Variants in CREBZF observed in about 807,000 individuals in gnomAD.
The protein encoded by CREBZF is HCF-binding transcription factor Zhangfei.
CREBZF carries 8 observed loss-of-function variants against 21.1 expected under a neutral mutation model. The ratio of observed to expected loss-of-function variants is 0.38; its 90% CI spans 0.22 to 0.68. The LOEUF is 0.68. CREBZF is among the 30% of genes least tolerant of loss of function. CREBZF has a pLI of 0.51. For synonymous variants in CREBZF, 270 were observed against 223.3 expected (o/e 1.21, Z -1.86); for missense variants, 518 against 484.3 (o/e 1.07, Z -0.65).
At position 85,659,619 on chromosome 11, in the gene CREBZF, CAAGT is replaced by C. The variant is rs1227472258; in HGVS notation, c.*4188_*4191del. 20 of 152,086 alleles carry C rather than the reference CAAGT, an allele frequency of 1.3e-4. No homozygotes were observed. The East Asian group carries it at 2.9e-3, about 22-fold the overall frequency. The allele number at this position is 152,086 out of a possible 1,614,324, so 9.4% of individuals were successfully genotyped here. A position where few individuals can be genotyped will look rare whatever the true frequency, so the allele number is the denominator to read the frequency against. ...CCCTCTTCTATCAGCTGCACATTTC[CAAGT>C]AAGTGAGATAAAATGACTCAATCTA... On this transcript the variant is annotated 3_prime_UTR_variant, in exon 1 of 1. Transcript: ENST00000527447.
intron 1 of CREBZF, among the ~76,000 whole-genome samples, chr11:85,673,866 G>GATTCC (rs2082927725): frequency 6.6e-6 from 1 of 152,186 alleles, no homozygotes; most frequent in African/African-American, 2.4e-5. Context: ...ACCAGAAATA[G>GATTCC]ATTCCATCCC....
chr11:85,669,116 C>G (rs976048271), upstream of CREBZF, among the ~76,000 whole-genome samples: 2 of 146,996 alleles, frequency 1.4e-5, no homozygotes. Flanking sequence ...TGACTTGCAG[C>G]ATGTGTCAGG....
intron 1 of CREBZF, among the ~76,000 whole-genome samples, chr11:85,681,455 T>G (rs1268505086): frequency 6.6e-6 from 1 of 152,266 alleles, no homozygotes; most frequent in Non-Finnish European, 1.5e-5. Context: ...GTCAGTATTC[T>G]GAAAATACCA....
chr11:85,679,115 G>A (rs1293219861), intron 1 of CREBZF, among the ~76,000 whole-genome samples: 1 of 152,216 alleles, frequency 6.6e-6, no homozygotes, highest in Non-Finnish European at 1.5e-5. Flanking sequence ...TGGAAAGGCA[G>A]TTTTCTTGAT....
intron 1 of CREBZF, among the ~76,000 whole-genome samples, chr11:85,679,624 C>T (rs754590532): frequency 6.6e-5 from 10 of 152,128 alleles, no homozygotes; most frequent in Admixed American, 3.3e-4. Context: ...TATACAGACA[C>T]GTGAAAATCC....
At chr11:85,666,635 G>C (rs946630483), upstream of CREBZF, among the ~76,000 whole-genome samples, 1 of 152,168 alleles carries the variant, frequency 6.6e-6, no homozygotes, top group Non-Finnish European at 1.5e-5. Context: ...GTATTTCTTA[G>C]AGACACAGAA....
At chr11:85,682,199 T>C (rs2153330944) in intron 1 of CREBZF, among the ~76,000 whole-genome samples, 1 of 152,254 alleles carries the variant, frequency 6.6e-6, no homozygotes, top group Non-Finnish European at 1.5e-5. Context: ...TTTGGACAAG[T>C]CATCCTCTCT....
At chr11:85,674,888 TCTC>T (rs1271039358) in intron 1 of CREBZF, among the ~76,000 whole-genome samples, 2 of 152,330 alleles carry the variant, frequency 1.3e-5, no homozygotes, top group South Asian at 2.1e-4. Context: ...AATCATTTCT[TCTC>T]CTCTCTCCTT....
Position 85,660,840 on chromosome 11 carries a change from A to C in CREBZF, c.*2971T>G, listed in dbSNP as rs2082653168. On this transcript the variant is annotated 3_prime_UTR_variant, in exon 1 of 1. Coordinates refer to ENST00000527447, the MANE Select transcript of CREBZF (RefSeq NM_001039618.4). ...TATGAACTCCTGCCACCATCAAAAG[A>C]CAAATATTAAAAAGCTACATCTTTA... 1 of 220,084 alleles carries C rather than the reference A, an allele frequency of 4.5e-6. No individual in the cohort carries two copies. The highest frequency in any genetic ancestry group is 9.2e-6 in the Non-Finnish European group (1 of 108,890). The allele number at this position is 220,084 out of a possible 1,614,324, so 13.6% of individuals were successfully genotyped here. A position where few individuals can be genotyped will look rare whatever the true frequency, so the allele number is the denominator to read the frequency against.
chr11:85,669,740 G>A (rs188934268), upstream of CREBZF, among the ~76,000 whole-genome samples: 574 of 152,306 alleles, frequency 3.8e-3, no homozygotes, highest in Non-Finnish European at 6.5e-3. Context: ...GGTAAGAAGA[G>A]AAATCATAGG....
rs745329436 is a variant in CREBZF, at chr11:85,664,114, G to A, written c.762C>T (p.Gly254=). The A allele has an allele frequency of 6.2e-7, 1 of 1,613,604 alleles. No individual in the cohort carries two copies. The highest frequency in any genetic ancestry group is 8.5e-7 in the Non-Finnish European group (1 of 1,180,030). Residue 254 remains glycine, a synonymous_variant, in exon 1 of 1, where the codon GGC becomes GGT. Transcript: ENST00000527447. The surrounding 1 kb of genome is among the most constrained non-coding windows in gnomAD (Gnocchi z 5.5). ...QELRAENREL[G]KRVQALQEES... ...CCTCCTGCAGTGCCTGTACGCGTTT[G>A]CCCAGCTCCCGATTCTCGGCCCGCA... is the stretch of plus-strand genomic sequence containing the variant.
At position 85,663,652 on chromosome 11, in the gene CREBZF, T is replaced by C. The variant is rs1331924179; in HGVS notation, c.*159A>G. Reference sequence around the variant, plus strand: ...TGTTATCATTAGGAGTTGGTTACTGTGTCACATTCATGCTTTTAGCTAAAC... The same window carrying C: ...TGTTATCATTAGGAGTTGGTTACTGCGTCACATTCATGCTTTTAGCTAAAC... On this transcript the variant is annotated 3_prime_UTR_variant, in exon 1 of 1. Coordinates refer to ENST00000527447, the MANE Select transcript of CREBZF (RefSeq NM_001039618.4). 2 of 1,600,408 alleles carry C rather than the reference T, an allele frequency of 1.2e-6. No homozygotes were observed. Among genetic ancestry groups the C allele is most frequent in the South Asian group, 1.1e-5 (1 of 89,926 alleles).
chr11:85,678,776 T>C (rs896950846), intron 1 of CREBZF, among the ~76,000 whole-genome samples: 2 of 152,260 alleles, frequency 1.3e-5, no homozygotes, highest in Non-Finnish European at 1.5e-5. Flanking sequence ...TGGGTACCTC[T>C]TCACCCACTA....
chr11:85,660,312 G>C lies in CREBZF; in HGVS notation c.*3499C>G. On this transcript the variant is annotated 3_prime_UTR_variant, in exon 1 of 1. Transcript: ENST00000527447. ...TTTTGTAAAGATATGCAATAACTGA[G>C]TATCACTCCCATGAAAGACAAAAAA... The C allele has an allele frequency of 5.1e-6, 1 of 195,188 alleles. No individual in the cohort carries two copies. The allele number at this position is 195,188 out of a possible 1,614,324, so 12.1% of individuals were successfully genotyped here.
upstream of CREBZF, among the ~76,000 whole-genome samples, chr11:85,666,133 CT>C (rs2082858592): frequency 6.6e-6 from 1 of 152,178 alleles, no homozygotes; most frequent in African/African-American, 2.4e-5. Context: ...CGTTTTCCCA[CT>C]GAAATGCTCC....
chr11:85,664,579 C>T lies in CREBZF; in HGVS notation c.297G>A (p.Met99Ile), dbSNP rs764751401. Residue 99 changes from methionine to isoleucine, a missense_variant, in exon 1 of 1, where the codon ATG (methionine) becomes ATA (isoleucine). Transcript: ENST00000527447. The surrounding 1 kb of genome is among the most constrained non-coding windows in gnomAD (Gnocchi z 5.5). ...CCAGTTCCAGCCCAGACAGAAAGTC[C>T]ATATCCTCCGTCTCTTCCCCCGGGA... ...ASLPGEETEDMDFLSGLELAD... is the reference protein window; with the variant it reads ...ASLPGEETEDIDFLSGLELAD... 4.3e-6 allele frequency: 7 copies of T among 1,613,940 alleles called. No individual in the cohort carries two copies. The highest frequency in any genetic ancestry group is 2.7e-5 in the African/African-American group (2 of 75,038).
chr11:85,666,478 A>T (rs1303486800), upstream of CREBZF, among the ~76,000 whole-genome samples: 2 of 152,244 alleles, frequency 1.3e-5, no homozygotes, highest in African/African-American at 4.8e-5. Flanking sequence ...GCCCAAACAA[A>T]AAAAGAGAAA....
At position 85,659,466 on chromosome 11, in the gene CREBZF, G is replaced by C. The variant is rs1164000305; in HGVS notation, c.*4345C>G. Among the ~76,000 whole-genome samples the C allele has an allele frequency of 1.3e-5, 2 of 152,048 alleles. No individual in the cohort carries two copies. Among genetic ancestry groups the C allele is most frequent in the African/African-American group, 4.8e-5 (2 of 41,424 alleles). On this transcript the variant is annotated 3_prime_UTR_variant, in exon 1 of 1. Coordinates refer to ENST00000527447, the MANE Select transcript of CREBZF (RefSeq NM_001039618.4). ...AGTTTTAAGCCAGTGGGAATACTCT[G>C]CTGCCTGGCTTCACAGGCACTGAAT...
At position 85,664,905 on chromosome 11, in the gene CREBZF, C is replaced by G; in HGVS notation, c.-30G>C. On this transcript the variant is annotated 5_prime_UTR_variant, in exon 1 of 1. Coordinates refer to ENST00000527447, the MANE Select transcript of CREBZF (RefSeq NM_001039618.4). This position sits in a 1 kb window ranked among gnomAD's most constrained non-coding sequence, Gnocchi z 5.5. ...GCCAGCGGCGGGCCGCGGTAGGCCC[C>G]GGCCGCTAAGAGTGGGCCTCACGGG... The G allele has an allele frequency of 7.0e-7, 1 of 1,423,854 alleles. No individual in the cohort carries two copies. Among genetic ancestry groups the G allele is most frequent in the East Asian group, 2.6e-5 (1 of 37,924 alleles). 88.2% of individuals were successfully genotyped at this position (1,423,854 alleles called of 1,614,324 possible).
Sources: allele counts gnomAD v4.1 joint callset (sites outside exome capture counted in the v4.1 genomes callset), GRCh38; gene constraint gnomAD v4.1.1; non-coding constraint Gnocchi (gnomAD v3.1); transcripts MANE v1.5; gene names NCBI Gene and HGNC (gene_info 2026-07-23, HGNC 2026-07-21).